The following RNF135 variants were observed in gnomAD, a reference collection of about 807,000 sequenced individuals.
The protein encoded by RNF135 is ring finger protein 135.
Under a neutral mutation model 41.9 loss-of-function variants are expected in RNF135, and 46 were observed. The observed-to-expected ratio is 1.10, with a 90% CI of 0.87 to 1.40. The LOEUF is 1.40. Among genes scored for constraint, RNF135 ranks in the 40% most tolerant of loss-of-function variants. RNF135 has a pLI of 0.00. For missense variants in RNF135, 539 were observed against 549.8 expected (o/e 0.98, Z 0.20); for synonymous variants, 238 against 223.8 (o/e 1.06, Z -0.57).
chr17:30,975,419 G>GACC, intron 1 of RNF135: 1 of 770,654 alleles, frequency 1.3e-6, no homozygotes, highest in South Asian at 1.3e-5. Flanking sequence ...TAAAGGCAAG[G>GACC]ACCAGATGCA....
the RNF135 span, among the ~76,000 whole-genome samples, chr17:30,961,784 A>AT: frequency 2.6e-5 from 4 of 151,934 alleles, no homozygotes; most frequent in African/African-American, 9.7e-5. Flanking sequence ...GCACACTTTG[A>AT]TTTTACCTGG....
At chr17:30,996,611 T>C (rs1271220211) in intron 3 of RNF135, among the ~76,000 whole-genome samples, 1 of 152,194 alleles carries the variant, frequency 6.6e-6, no homozygotes, top group Non-Finnish European at 1.5e-5. Context: ...TTAGATTCAC[T>C]GCAGCTGCTG....
intron 3 of RNF135, among the ~76,000 whole-genome samples, chr17:30,994,159 G>C (rs1908180065): frequency 1.3e-5 from 2 of 152,182 alleles, no homozygotes; most frequent in Admixed American, 1.3e-4. Context: ...AGCAAAATAG[G>C]AGAACAGTGA....
At chr17:30,982,457 G>T (rs574310716) in intron 1 of RNF135, among the ~76,000 whole-genome samples, 1 of 152,302 alleles carries the variant, frequency 6.6e-6, no homozygotes, top group Admixed American at 6.5e-5. Context: ...TGAGTGCACA[G>T]ATTCTCTGTG....
rs958727807 is a variant in RNF135 at position 30,971,400 on chromosome 17, C to G, written c.327C>G (p.Leu109=). 5.9e-6 allele frequency: 9 copies of G among 1,520,224 alleles called. No homozygotes were observed. Among genetic ancestry groups the G allele is most frequent in the East Asian group, 5.2e-5 (2 of 38,536 alleles). 94.2% of individuals were successfully genotyped at this position (1,520,224 alleles called of 1,614,324 possible). A position where few individuals can be genotyped will look rare whatever the true frequency, so the allele number is the denominator to read the frequency against. Residue 109 remains leucine, a synonymous_variant, in exon 1 of 5, where the codon CTC becomes CTG. Transcript: ENST00000328381. ...GCCCCTGCCCGGGCTCCAGTTCCCT[C>G]TCCAGCGCGGCCGCGAGGCCCCGGC... The part of the protein sequence containing the change: ...AHCPCPGSSS[L]SSAAARPRRR...
the RNF135 span, among the ~76,000 whole-genome samples, chr17:30,964,081 T>G: frequency 6.6e-6 from 1 of 152,136 alleles, no homozygotes; most frequent in Non-Finnish European, 1.5e-5. Flanking sequence ...AAGTGCTTTG[T>G]CCCTGAAAGA....
chr17:30,961,335 T>A, the RNF135 span, among the ~76,000 whole-genome samples: 64 of 152,270 alleles, frequency 4.2e-4, no homozygotes, highest in African/African-American at 1.3e-3. Context: ...GTCAACACAA[T>A]AAGCCTCAGC....
intron 1 of RNF135, chr17:30,975,773 C>G (rs1057106643): frequency 2.7e-6 from 3 of 1,122,418 alleles, no homozygotes; most frequent in Non-Finnish European, 4.1e-6. Context: ...ACCCTCTTTC[C>G]AGCTCATCCT....
At chr17:30,993,672 T>C (rs1479724415) in intron 3 of RNF135, among the ~76,000 whole-genome samples, 1 of 151,516 alleles carries the variant, frequency 6.6e-6, no homozygotes, top group Non-Finnish European at 1.5e-5. Context: ...CTCTCATCAA[T>C]AGAGATAAAA....
rs1217183842 is a variant in RNF135, at chr17:30,999,277, C to G, written c.*86C>G. On this transcript the variant is annotated 3_prime_UTR_variant, in exon 5 of 5. Coordinates refer to ENST00000328381, the MANE Select transcript of RNF135 (RefSeq NM_032322.4). ...GTAGTAACTTGACTTAAGAATACCA[C>G]TTTTTAGAAAAATTACGATAGAGAT... 15 of 1,444,412 alleles carry G rather than the reference C, an allele frequency of 1.0e-5. No homozygotes were observed. Among genetic ancestry groups the G allele is most frequent in the Middle Eastern group, 2.3e-4 (1 of 4,412 alleles). The allele number at this position is 1,444,412 out of a possible 1,614,324, so 89.5% of individuals were successfully genotyped here.
intron 1 of RNF135, chr17:30,975,723 C>T: frequency 1.4e-6 from 2 of 1,403,416 alleles, no homozygotes; most frequent in Non-Finnish European, 1.0e-6. Context: ...TTGCCCAACA[C>T]TGCTCACCTG....
chr17:30,983,026 G>A (rs1907268022), intron 1 of RNF135, among the ~76,000 whole-genome samples: 2 of 151,800 alleles, frequency 1.3e-5, no homozygotes, highest in African/African-American at 4.8e-5. Context: ...CTGTCTTTTT[G>A]TGACTGGCTT....
At chr17:30,986,458 G>C (rs552276124) in intron 2 of RNF135, among the ~76,000 whole-genome samples, 1 of 152,302 alleles carries the variant, frequency 6.6e-6, no homozygotes, top group East Asian at 1.9e-4. Flanking sequence ...GCCTCCCAAA[G>C]TGCTGGGATT....
intron 4 of RNF135, among the ~76,000 whole-genome samples, chr17:30,997,959 G>C (rs1908477291): frequency 6.6e-6 from 1 of 152,194 alleles, no homozygotes; most frequent in Non-Finnish European, 1.5e-5. Context: ...TATACAAAGT[G>C]AGTAAGACAT....
At chr17:30,962,760 G>A in the RNF135 span, among the ~76,000 whole-genome samples, 25 of 152,292 alleles carry the variant, frequency 1.6e-4, no homozygotes, top group East Asian at 4.0e-3. Context: ...CACCGTGTCC[G>A]GCCTAAATTC....
intron 1 of RNF135, chr17:30,975,412 A>G: frequency 1.3e-6 from 1 of 768,502 alleles, no homozygotes; most frequent in Admixed American, 1.7e-5. Context: ...ATCTTCCTAA[A>G]GGCAAGGACC....
Position 30,983,339 on chromosome 17 carries a change from ATATATATATATATATTTTTTTT to A in RNF135, c.373-1276_373-1255del, listed in dbSNP as rs1164595592. ...TATGTACATATATATATATATATAT[ATATATATATATATATTTTTTTT>A]TTTTTTTTTTGAGATGGAGTCTGGC... On this transcript the variant is annotated intron_variant, in intron 1 of 4. Coordinates refer to ENST00000328381, the MANE Select transcript of RNF135 (RefSeq NM_032322.4). Among the ~76,000 whole-genome samples, 5 of 27,548 alleles carry A rather than the reference ATATATATATATATATTTTTTTT, an allele frequency of 1.8e-4. 1 individual carries two copies. Among genetic ancestry groups the A allele is most frequent in the Admixed American group, 1.2e-3 (3 of 2,512 alleles). The allele number at this position is 27,548 out of a possible 152,430, so 18.1% of individuals were successfully genotyped here. A position where few individuals can be genotyped will look rare whatever the true frequency, so the allele number is the denominator to read the frequency against.
intron 3 of RNF135, among the ~76,000 whole-genome samples, chr17:30,990,512 A>AAAAC (rs780715013): frequency 6.6e-5 from 10 of 152,206 alleles, no homozygotes; most frequent in African/African-American, 1.2e-4. Flanking sequence ...ACACCATCTC[A>AAAAC]AAACAAACAA....
upstream of RNF135, chr17:30,970,384 G>C (rs890854513): frequency 6.6e-6 from 1 of 152,116 alleles, no homozygotes; most frequent in African/African-American, 2.4e-5. Flanking sequence ...GCAGAAGGCG[G>C]TAAGGACACA....
Sources: allele counts gnomAD v4.1 joint callset (sites outside exome capture counted in the v4.1 genomes callset), GRCh38; gene constraint gnomAD v4.1.1; transcripts MANE v1.5; gene names NCBI Gene and HGNC (gene_info 2026-07-23, HGNC 2026-07-21).